Variants in ADAM12 observed in about 807,000 individuals in gnomAD.
The protein encoded by ADAM12 is disintegrin and metalloproteinase domain-containing protein 12.
A neutral mutation model predicts 106.4 loss-of-function variants in ADAM12; 70 were observed. The ratio of observed to expected loss-of-function variants is 0.66; its 90% CI spans 0.54 to 0.80. The LOEUF is 0.80. Ranked by LOEUF, ADAM12 falls within the 30% of genes least tolerant of loss-of-function variation. ADAM12 has a pLI of 0.00. For missense variants in ADAM12, 1,010 were observed against 1,171.9 expected (o/e 0.86, Z 2.02); for synonymous variants, 420 against 433.5 (o/e 0.97, Z 0.39).
chr10:126,100,769 T>C (rs1305975124), intron 9 of ADAM12, among the ~76,000 whole-genome samples: 1 of 151,926 alleles, frequency 6.6e-6, no homozygotes, highest in East Asian at 1.9e-4. Context: ...TCAGAACAAC[T>C]TTACATCACA....
At chr10:126,054,367 C>T (rs1954580952) in intron 14 of ADAM12, among the ~76,000 whole-genome samples, 1 of 152,242 alleles carries the variant, frequency 6.6e-6, no homozygotes. Context: ...CCTTGATGAA[C>T]CTGCGTGGAT....
chr10:126,120,688 G>C (rs1236607675), intron 5 of ADAM12, among the ~76,000 whole-genome samples: 2 of 151,766 alleles, frequency 1.3e-5, no homozygotes, highest in Non-Finnish European at 2.9e-5. Context: ...GTGGGTGCCA[G>C]GGGCCAGAGA....
chr10:126,203,941 T>C (rs9422818), intron 3 of ADAM12, among the ~76,000 whole-genome samples: 8,628 of 27,100 alleles, frequency 0.32, 650 homozygotes, highest in African/African-American at 0.4. Flanking sequence ...CGCGCGCGCG[T>C]GTGTGTGTGT....
intron 14 of ADAM12, among the ~76,000 whole-genome samples, chr10:126,058,922 A>G (rs1954691918): frequency 6.6e-6 from 1 of 152,236 alleles, no homozygotes; most frequent in South Asian, 2.1e-4. Flanking sequence ...CATCTCTTAG[A>G]AAGAATGACA....
In ADAM12 at chr10:126,174,157, T is replaced by C. The variant is rs1957174352; in HGVS notation, c.261-18852A>G. ...CTGAGTAGCTGGGACGATATTTTAT[T>C]CCATTTGCTTTATACGTTGTTCCCC... is the stretch of plus-strand genomic sequence containing the variant. On this transcript the variant is annotated intron_variant, in intron 3 of 22. Coordinates refer to ENST00000448723, the MANE Select transcript of ADAM12 (RefSeq NM_001288973.2). Among the ~76,000 whole-genome samples the C allele has an allele frequency of 1.3e-5, 2 of 151,450 alleles. 1 individual carries two copies. Among genetic ancestry groups the C allele is most frequent in the Admixed American group, 1.3e-4 (2 of 15,212 alleles).
chr10:126,134,791 A>C (rs141793710), intron 5 of ADAM12, among the ~76,000 whole-genome samples: 268 of 152,372 alleles, frequency 1.8e-3, no homozygotes, highest in Non-Finnish European at 3.2e-3. Flanking sequence ...TAACTCAAGC[A>C]GGTATATCCT....
intron 21 of ADAM12, among the ~76,000 whole-genome samples, chr10:126,033,654 TC>T (rs1359006597): frequency 6.6e-6 from 1 of 152,076 alleles, no homozygotes; most frequent in Non-Finnish European, 1.5e-5. Context: ...CATGCCTCCC[TC>T]CTGCTCCTCA....
chr10:126,290,264 G>C (rs1378691967), intron 2 of ADAM12, among the ~76,000 whole-genome samples: 1 of 152,132 alleles, frequency 6.6e-6, no homozygotes, highest in African/African-American at 2.4e-5. Context: ...GCAGGAAATG[G>C]GTTCTCCCCC....
At chr10:126,027,720 T>C (rs1487183093) in intron 21 of ADAM12, among the ~76,000 whole-genome samples, 1 of 152,134 alleles carries the variant, frequency 6.6e-6, no homozygotes, top group Non-Finnish European at 1.5e-5. Context: ...TACCTCAAAA[T>C]AATAGCCATC....
intron 2 of ADAM12, among the ~76,000 whole-genome samples, chr10:126,290,321 C>G (rs1441356715): frequency 6.6e-6 from 1 of 152,164 alleles, no homozygotes; most frequent in African/African-American, 2.4e-5. Context: ...TGTTTTTAAC[C>G]TGGTGAGATT....
At chr10:126,114,681 C>T (rs1180296371) in intron 6 of ADAM12, among the ~76,000 whole-genome samples, 6 of 152,096 alleles carry the variant, frequency 3.9e-5, no homozygotes, top group South Asian at 2.1e-4. Context: ...GGTTTCACCA[C>T]GTTGGCCAGG....
intron 1 of ADAM12, among the ~76,000 whole-genome samples, chr10:126,353,791 G>T (rs984276200): frequency 6.6e-6 from 1 of 152,258 alleles, no homozygotes; most frequent in East Asian, 1.9e-4. Flanking sequence ...TTAAAAAGAA[G>T]GGAAAGCTCC....
At chr10:126,079,362 G>A (rs1044106226) in intron 11 of ADAM12, among the ~76,000 whole-genome samples, 1 of 150,568 alleles carries the variant, frequency 6.6e-6, no homozygotes, top group African/African-American at 2.5e-5. Flanking sequence ...TGCCAACCAC[G>A]AATCTGCTTT....
chr10:126,066,625 A>G lies in ADAM12; in HGVS notation c.1413+92T>C. The G allele has an allele frequency of 3.2e-6, 4 of 1,264,978 alleles. No homozygotes were observed. The highest frequency in any genetic ancestry group is 4.6e-6 in the Non-Finnish European group (4 of 870,762). The allele number at this position is 1,264,978 out of a possible 1,614,324, so 78.4% of individuals were successfully genotyped here. On this transcript the variant is annotated intron_variant, in intron 13 of 22. Coordinates refer to ENST00000448723, the MANE Select transcript of ADAM12 (RefSeq NM_001288973.2). The surrounding 1 kb of genome is among the most constrained non-coding windows in gnomAD (Gnocchi z 5.1). ...TGCGTGCTGTGGTGAGTGCTGGGAA[A>G]CCTTCCAGCCACACTGCTTGCCCTG...
intron 6 of ADAM12, among the ~76,000 whole-genome samples, chr10:126,116,211 C>T (rs1590434708): frequency 1.3e-5 from 2 of 152,152 alleles, no homozygotes; most frequent in Non-Finnish European, 2.9e-5. Context: ...TATGAAACGA[C>T]AAACATATTT....
chr10:126,264,085 G>A (rs1189926187), intron 3 of ADAM12, among the ~76,000 whole-genome samples: 1 of 152,008 alleles, frequency 6.6e-6, no homozygotes, highest in Non-Finnish European at 1.5e-5. Context: ...TATATATTTT[G>A]TTGATATGAA....
chr10:126,134,372 T>C (rs1956366922), intron 5 of ADAM12, among the ~76,000 whole-genome samples: 1 of 152,202 alleles, frequency 6.6e-6, no homozygotes, highest in Non-Finnish European at 1.5e-5. Flanking sequence ...ACTCTATGTT[T>C]GTAAAAATAA....
intron 3 of ADAM12, 46 bp from the exon 4 acceptor site, chr10:126,155,351 A>T: frequency 3.9e-6 from 6 of 1,545,180 alleles, no homozygotes; most frequent in Non-Finnish European, 5.4e-6. Flanking sequence ...GCAGAATTGC[A>T]TTGATACATT....
At chr10:126,342,285 C>A (rs971462032) in intron 1 of ADAM12, among the ~76,000 whole-genome samples, 1 of 152,148 alleles carries the variant, frequency 6.6e-6, no homozygotes, top group African/African-American at 2.4e-5. Context: ...ATTTTTACAA[C>A]CTTTGATTTT....
Sources: allele counts gnomAD v4.1 joint callset (sites outside exome capture counted in the v4.1 genomes callset), GRCh38; gene constraint gnomAD v4.1.1; non-coding constraint Gnocchi (gnomAD v3.1); transcripts MANE v1.5; gene names NCBI Gene and HGNC (gene_info 2026-07-23, HGNC 2026-07-21).